Variants in PML observed in about 807,000 individuals in gnomAD.
PML encodes the protein protein PML.
Under a neutral mutation model 65.2 loss-of-function variants are expected in PML, and 28 were observed. The observed-to-expected ratio is 0.43, with a 90% confidence interval of 0.32 to 0.59. The LOEUF (loss-of-function observed/expected upper bound fraction) is 0.59. Ranked by LOEUF, PML falls within the 20% of genes least tolerant of loss-of-function variation. The probability of loss-of-function intolerance (pLI) is 0.08; values close to 1 mark genes in which losing one functional copy is unlikely to be tolerated. For missense variants in PML, 1,021 were observed against 1,203.4 expected, an observed-to-expected ratio of 0.85 and a Z score of 2.24; for synonymous variants, 500 against 508.8, an observed-to-expected ratio of 0.98 and a Z score of 0.23.
chr15:74,021,683 AT>A (rs772273210), intron 2 of PML, among the ~76,000 whole-genome samples: 97 of 152,280 alleles, frequency 6.4e-4, no homozygotes, highest in Non-Finnish European at 2.8e-4. Flanking sequence ...AGCTTCCATG[AT>A]TAGGCTATAT....
At position 74,047,510 on chromosome 15, in the gene PML, G is replaced by A. The variant is rs2071782792; in HGVS notation, c.*2502G>A. On this transcript the variant is annotated 3_prime_UTR_variant, in exon 9 of 9. Transcript: ENST00000268058. ...TTCATCTTTGGACTATATCTCAGGT[G>A]TTTACGTGTCAACTAATGGGAGCTT... 1 of 221,388 alleles carries A rather than the reference G, an allele frequency of 4.5e-6. No individual in the cohort carries two copies. Among genetic ancestry groups the A allele is most frequent in the African/African-American group, 2.2e-5 (1 of 44,660 alleles). The allele number at this position is 221,388 out of a possible 1,614,324, so 13.7% of individuals were successfully genotyped here.
chr15:74,021,287 G>T (rs2141826888), intron 2 of PML, among the ~76,000 whole-genome samples: 1 of 152,214 alleles, frequency 6.6e-6, no homozygotes, highest in East Asian at 1.9e-4. Context: ...GTATCTGCTA[G>T]CTAAAATATA....
chr15:74,032,310 T>C, intron 4 of PML: 1 of 522,940 alleles, frequency 1.9e-6, no homozygotes, highest in Non-Finnish European at 3.4e-6. Context: ...AACAGGAGAA[T>C]TGCTCAAGCC....
At chr15:74,017,242 T>C (rs2070634807) in intron 2 of PML, among the ~76,000 whole-genome samples, 1 of 152,216 alleles carries the variant, frequency 6.6e-6, no homozygotes, top group Admixed American at 6.5e-5. Context: ...ATTGGAAGCA[T>C]ATATGGGTAT....
chr15:74,015,078 C>G (rs1237936179), intron 2 of PML, among the ~76,000 whole-genome samples: 5 of 152,222 alleles, frequency 3.3e-5, no homozygotes, highest in Admixed American at 3.3e-4. Context: ...TGCTTCCTTT[C>G]ACCGCTTTCC....
intron 6 of PML, 53 bp downstream of exon 6, chr15:74,033,467 G>A (rs760193317): frequency 3.6e-5 from 58 of 1,599,886 alleles, no homozygotes; most frequent in Middle Eastern, 1.6e-4. Context: ...GGGTCTGGGC[G>A]GTGCCCCTCT....
At chr15:74,008,461 G>A (rs767107386) in intron 2 of PML, among the ~76,000 whole-genome samples, 5 of 152,168 alleles carry the variant, frequency 3.3e-5, no homozygotes, top group South Asian at 2.1e-4. Flanking sequence ...TGATGGGGCC[G>A]GGCGTGGTGG....
chr15:74,025,106 A>G (rs2071013502), intron 4 of PML, 179 bp downstream of exon 4: 6 of 616,616 alleles, frequency 9.7e-6, no homozygotes, highest in Non-Finnish European at 1.8e-5. Context: ...TTGGCTGGCT[A>G]GCTGGCTCTG....
rs959570096 is a variant in PML at position 74,037,926 on chromosome 15, C to T, written c.1710+3396C>T. Among the ~76,000 whole-genome samples, 8 of 152,180 alleles carry T rather than the reference C, an allele frequency of 5.3e-5. No individual in the cohort carries two copies. The highest frequency in any genetic ancestry group is 1.4e-4 in the African/African-American group (6 of 41,440). On this transcript the variant is annotated intron_variant, in intron 7 of 8. Transcript: ENST00000268058. This position sits in a 1 kb window ranked among gnomAD's most constrained non-coding sequence, Gnocchi z 4.2. The stretch of plus-strand genomic sequence containing the variant: ...CTGCCAGACCAGCATGGCCAGTGAC[C>T]TTCCAACAGCTCCGCATGGATGCCC...
intron 1 of PML, among the ~76,000 whole-genome samples, chr15:73,995,995 AC>A (rs2069481171): frequency 6.6e-6 from 1 of 152,008 alleles, no homozygotes; most frequent in Admixed American, 6.6e-5. Context: ...CTCGTGATCC[AC>A]CCACCTCGGC....
intron 1 of PML, among the ~76,000 whole-genome samples, chr15:73,997,458 G>T (rs775315257): frequency 6.6e-6 from 1 of 152,178 alleles, no homozygotes; most frequent in Non-Finnish European, 1.5e-5. Flanking sequence ...TCCATTATAT[G>T]TGTAGACCAC....
rs2141868287 is a variant in PML at position 74,032,361 on chromosome 15, GTC to G, written c.1255-207_1255-206del. On this transcript the variant is annotated intron_variant, in intron 4 of 8. Coordinates refer to ENST00000268058, the MANE Select transcript of PML (RefSeq NM_033238.3). ...AGCGTGGGCAACATAGTGAGACCCT[GTC>G]TCTACAAAAAAATTTTTTTAAAAAA... is the stretch of plus-strand genomic sequence containing the variant. 3 of 601,114 alleles carry G rather than the reference GTC, an allele frequency of 5.0e-6. No homozygotes were observed. In the South Asian group the frequency reaches 6.0e-5, roughly 12 times the overall value. The allele number at this position is 601,114 out of a possible 1,614,324, so 37.2% of individuals were successfully genotyped here.
intron 2 of PML, among the ~76,000 whole-genome samples, chr15:74,017,459 C>T (rs12324916): frequency 0.094 from 14,284 of 151,960 alleles, 825 homozygotes; most frequent in East Asian, 0.18. Flanking sequence ...CCAGCCTGGC[C>T]GGCATGGTGA....
intron 2 of PML, among the ~76,000 whole-genome samples, chr15:74,015,466 G>A (rs998132211): frequency 1.5e-4 from 23 of 152,186 alleles, no homozygotes; most frequent in African/African-American, 5.1e-4. Flanking sequence ...CACCATTCAG[G>A]CAAGCCAGGT....
At position 74,033,311 on chromosome 15, in the gene PML, A is replaced by G. The variant is rs774520402; in HGVS notation, c.1554A>G (p.Ser518=). Residue 518 remains serine, a synonymous_variant, in exon 6 of 9, where the codon TCA becomes TCG. Transcript: ENST00000268058. ...QPRPSTSKAV[S]PPHLDGPPSP... is the part of the protein sequence containing the mutation. ...GGCCCAGCACCTCCAAGGCAGTCTC[A>G]CCACCCCACCTGGATGGACCGCCTA... The G allele has an allele frequency of 4.3e-6, 7 of 1,614,032 alleles. No homozygotes were observed. The highest frequency in any genetic ancestry group is 1.7e-5 in the Admixed American group (1 of 60,032).
At chr15:74,018,293 A>G (rs1208906571) in intron 2 of PML, among the ~76,000 whole-genome samples, 1 of 150,344 alleles carries the variant, frequency 6.7e-6, no homozygotes, top group African/African-American at 2.4e-5. Flanking sequence ...ACTGCACTCC[A>G]GCCTGGGCAA....
rs960233914 is a variant in PML, at chr15:74,035,362, C to T, written c.1710+832C>T. On this transcript the variant is annotated intron_variant, in intron 7 of 8. Coordinates refer to ENST00000268058, the MANE Select transcript of PML (RefSeq NM_033238.3). The surrounding 1 kb of genome is among the most constrained non-coding windows in gnomAD (Gnocchi z 4.1). ...CAGCCCGCTGAGCAGGCTGCCACCC[C>T]CGATGCTGAGCCTCACAGCGAGCCT... 6.2e-7 allele frequency: 1 copy of T among 1,612,164 alleles called. No individual in the cohort carries two copies. Among genetic ancestry groups the T allele is most frequent in the African/African-American group, 1.3e-5 (1 of 75,036 alleles).
Position 74,044,483 on chromosome 15 carries a change from G to A in PML, c.2124G>A (p.Leu708=), listed in dbSNP as rs2071748731. The change falls in exon 9 of 9, where the codon CTG becomes CTA. Residue 708 remains leucine (L), a synonymous_variant. Coordinates refer to ENST00000268058, the MANE Select transcript of PML (RefSeq NM_033238.3). ...WEFQEAISGF[L]AALPLIRERV... ...TCCAGGAGGCCATCTCGGGCTTCCT[G>A]GCTGCCCTGCCTCTCATCCGGGAGC... 1 of 1,614,036 alleles carries A rather than the reference G, an allele frequency of 6.2e-7. No homozygotes were observed. Among genetic ancestry groups the A allele is most frequent in the Non-Finnish European group, 8.5e-7 (1 of 1,179,978 alleles).
At position 74,023,039 on chromosome 15, in the gene PML, C is replaced by G; in HGVS notation, c.814C>G (p.Arg272Gly). ...GGCCGTCGGCCAGCTGGGCCGCGCG[C>G]GTGCCGAGACCGAGGAGCTGATCCG... is the stretch of plus-strand genomic sequence containing the variant. ...HAAVGQLGRA[R>G]AETEELIRER... Residue 272 changes from arginine (R) to glycine (G), a missense_variant, in exon 3 of 9, where the codon CGT becomes GGT. Transcript: ENST00000268058. 1 of 1,604,716 alleles carries G rather than the reference C, an allele frequency of 6.2e-7. No individual in the cohort carries two copies. The highest frequency in any genetic ancestry group is 8.5e-7 in the Non-Finnish European group (1 of 1,178,278).
Sources: gnomAD v4.1 joint callset for allele counts (sites outside exome capture counted in the v4.1 genomes callset) on GRCh38, gnomAD v4.1.1 for gene constraint, Gnocchi (gnomAD v3.1) non-coding constraint, MANE v1.5 for transcripts, NCBI Gene and HGNC (gene_info 2026-07-23, HGNC 2026-07-21) for gene names.